Variants in PGCKA1 observed in about 807,000 individuals in gnomAD.
PGCKA1 encodes PDCD10 and GCKIII kinases-associated protein 1.
chr4:37,579,430 T>C, the PGCKA1 span, among the ~76,000 whole-genome samples: 864 of 152,340 alleles, frequency 5.7e-3, 3 homozygotes, highest in Non-Finnish European at 9.2e-3. Flanking sequence ...GTACTCCCTT[T>C]AGCATTTCTT....
the PGCKA1 span, among the ~76,000 whole-genome samples, chr4:37,574,503 G>T: frequency 6.6e-6 from 1 of 151,572 alleles, no homozygotes; most frequent in Non-Finnish European, 1.5e-5. Flanking sequence ...ATATTTATGG[G>T]GTATGTGAAA....
the PGCKA1 span, among the ~76,000 whole-genome samples, chr4:37,499,986 G>A: frequency 2.3e-5 from 3 of 133,242 alleles, no homozygotes; most frequent in African/African-American, 5.6e-5. Context: ...CCAGTGGCAC[G>A]ATCTCGGCTC....
chr4:37,582,795 G>A, the PGCKA1 span, among the ~76,000 whole-genome samples: 3 of 152,048 alleles, frequency 2.0e-5, no homozygotes, highest in Non-Finnish European at 2.9e-5. Context: ...CCAACGTAAG[G>A]ATAATATTTT....
At chr4:37,557,178 A>G in the PGCKA1 span, among the ~76,000 whole-genome samples, 1 of 152,258 alleles carries the variant, frequency 6.6e-6, no homozygotes, top group Non-Finnish European at 1.5e-5. Flanking sequence ...AGTTCTATAC[A>G]TCATAAACAA....
the PGCKA1 span, among the ~76,000 whole-genome samples, chr4:37,583,981 C>A: frequency 6.6e-6 from 1 of 152,144 alleles, no homozygotes; most frequent in African/African-American, 2.4e-5. Flanking sequence ...CATTTTGAAC[C>A]CAATCTTACG....
chr4:37,557,276 G>T, the PGCKA1 span, among the ~76,000 whole-genome samples: 1 of 151,908 alleles, frequency 6.6e-6, no homozygotes. Flanking sequence ...TTGTTTTTTT[G>T]TGGGATTTTT....
chr4:37,475,934 T>C, the PGCKA1 span, among the ~76,000 whole-genome samples: 1 of 150,970 alleles, frequency 6.6e-6, no homozygotes, highest in Non-Finnish European at 1.5e-5. Context: ...AAAACTAAAA[T>C]ATGTATTTTA....
At chr4:37,551,703 A>G in the PGCKA1 span, among the ~76,000 whole-genome samples, 1 of 152,234 alleles carries the variant, frequency 6.6e-6, no homozygotes, top group Non-Finnish European at 1.5e-5. Context: ...CACAGATTCA[A>G]CCCTGAAGCC....
chr4:37,551,611 A>G, the PGCKA1 span, among the ~76,000 whole-genome samples: 2 of 152,264 alleles, frequency 1.3e-5, no homozygotes, highest in African/African-American at 2.4e-5. Flanking sequence ...ATTACTGTCT[A>G]CACATAGATA....
the PGCKA1 span, among the ~76,000 whole-genome samples, chr4:37,513,904 G>A: frequency 6.6e-5 from 10 of 152,236 alleles, no homozygotes; most frequent in East Asian, 1.3e-3. Flanking sequence ...CCTCATAATC[G>A]AAAAATGGTA....
the PGCKA1 span, among the ~76,000 whole-genome samples, chr4:37,573,958 G>A: frequency 0.32 from 47,985 of 152,078 alleles, 8,208 homozygotes; most frequent in Middle Eastern, 0.4. Context: ...GGGAGGCCAA[G>A]GTGGGTGGAT....
the PGCKA1 span, among the ~76,000 whole-genome samples, chr4:37,459,834 AATTTTATTTT>A: frequency 2.9e-5 from 4 of 136,040 alleles, no homozygotes; most frequent in South Asian, 2.3e-4. Flanking sequence ...TTTTTTTTTT[AATTTTATTTT>A]ATTTTAAGTT....
chr4:37,481,520 T>TCAG, the PGCKA1 span, among the ~76,000 whole-genome samples: 2 of 136,986 alleles, frequency 1.5e-5, no homozygotes, highest in East Asian at 4.9e-4. Flanking sequence ...GATCAAGGTA[T>TCAG]CAGCAGGTTT....
At chr4:37,581,556 T>TG in the PGCKA1 span, among the ~76,000 whole-genome samples, 1 of 152,108 alleles carries the variant, frequency 6.6e-6, no homozygotes, top group Non-Finnish European at 1.5e-5. The surrounding 1 kb of genome is among the most constrained non-coding windows in gnomAD (Gnocchi z 4.4). Context: ...GGGCCTGGAA[T>TG]GGGGGCCTCA....
At chr4:37,462,562 T>G in the PGCKA1 span, among the ~76,000 whole-genome samples, 1 of 152,208 alleles carries the variant, frequency 6.6e-6, no homozygotes, top group Non-Finnish European at 1.5e-5. Flanking sequence ...CATTAAAAAC[T>G]GATTTCCTCC....
chr4:37,469,885 C>A, the PGCKA1 span, among the ~76,000 whole-genome samples: 1 of 152,260 alleles, frequency 6.6e-6, no homozygotes, highest in South Asian at 2.1e-4. Flanking sequence ...GCACACAGAC[C>A]CATTATCTGC....
chr4:37,540,934 GA>G, the PGCKA1 span, among the ~76,000 whole-genome samples: 1 of 147,332 alleles, frequency 6.8e-6, no homozygotes, highest in Non-Finnish European at 1.5e-5. Flanking sequence ...ACTCCACTTG[GA>G]AAAAAACCCC....
the PGCKA1 span, among the ~76,000 whole-genome samples, chr4:37,509,360 T>C: frequency 7.3e-6 from 1 of 136,724 alleles, no homozygotes; most frequent in Non-Finnish European, 1.6e-5. Flanking sequence ...ACCTCCCACA[T>C]GGGGTCACGG....
the PGCKA1 span, among the ~76,000 whole-genome samples, chr4:37,572,898 T>C: frequency 6.6e-6 from 1 of 152,258 alleles, no homozygotes; most frequent in African/African-American, 2.4e-5. Flanking sequence ...TTTGGATTTT[T>C]GGATTTCAGA....
Sources: gnomAD v4.1 joint callset for allele counts (sites outside exome capture counted in the v4.1 genomes callset) on GRCh38, gnomAD v4.1.1 for gene constraint, Gnocchi (gnomAD v3.1) non-coding constraint, MANE v1.5 for transcripts, NCBI Gene and HGNC (gene_info 2026-07-23, HGNC 2026-07-21) for gene names.